PSMG2: variants seen among roughly 807,000 people sequenced by gnomAD.
The protein encoded by PSMG2 is CD40 ligand-activated specific transcript 3.
PSMG2 carries 21 observed loss-of-function variants against 31.5 expected under a neutral mutation model. The ratio of observed to expected loss-of-function variants is 0.67; its 90% CI spans 0.47 to 0.96. The LOEUF is 0.96. Among genes scored for constraint, PSMG2 ranks in the 40% least tolerant of loss-of-function variants. The pLI, the probability that PSMG2 is intolerant of heterozygous loss-of-function variation, is 0.00. For synonymous variants in PSMG2, 120 were observed against 110.4 expected (o/e 1.09, Z -0.54); for missense variants, 318 against 321.2 (o/e 0.99, Z 0.08).
At chr18:12,667,529 AG>A (rs1406060894) in intron 1 of PSMG2, among the ~76,000 whole-genome samples, 1 of 152,150 alleles carries the variant, frequency 6.6e-6, no homozygotes, top group Non-Finnish European at 1.5e-5. Context: ...TGGGAGGCCA[AG>A]GCAGGTGGAT....
chr18:12,700,527 G>A (rs1320398598), upstream of PSMG2, among the ~76,000 whole-genome samples: 1 of 152,092 alleles, frequency 6.6e-6, no homozygotes, highest in Non-Finnish European at 1.5e-5. Flanking sequence ...GGACTCTTAT[G>A]CAGTCAATTA....
chr18:12,718,990 A>G (rs1485605720), intron 4 of PSMG2, among the ~76,000 whole-genome samples: 1 of 152,256 alleles, frequency 6.6e-6, no homozygotes, highest in East Asian at 1.9e-4. Context: ...CTAACTTTTG[A>G]AAGGTTAATA....
At position 12,720,434 on chromosome 18, in the gene PSMG2, G is replaced by C. The variant is rs182286677; in HGVS notation, c.408-76G>C. ...TTGCCTGTGCAGCAGAATATATGGA[G>C]ACCAAGAGAATTTTAGCTAAAGAAC... On this transcript the variant is annotated intron_variant, in intron 4 of 6. Transcript: ENST00000317615. The C allele has an allele frequency of 1.5e-5, 19 of 1,248,654 alleles. No homozygotes were observed. In the African/African-American group the frequency reaches 2.7e-4, roughly 18 times the overall value. 77.3% of individuals were successfully genotyped at this position (1,248,654 alleles called of 1,614,324 possible).
intron 1 of PSMG2, among the ~76,000 whole-genome samples, chr18:12,705,547 G>A (rs2040256782): frequency 2.2e-5 from 1 of 45,288 alleles, no homozygotes; most frequent in African/African-American, 5.6e-5. Flanking sequence ...ATGGGAAAAA[G>A]AGAGAGAGAG....
chr18:12,692,703 T>A lies in PSMG2; in HGVS notation c.-36-13847T>A, dbSNP rs1292678964. ...ACTTATTGTTTCTCCTGCACTAGAA[T>A]CTAAACTCCTTGAGAGCAAGCTGTC... On this transcript the variant is annotated intron_variant, in intron 1 of 6. Transcript: ENST00000585331. Among the ~76,000 whole-genome samples, 3 of 152,360 alleles carry A rather than the reference T, an allele frequency of 2.0e-5. No individual in the cohort carries two copies. The South Asian group carries it at 6.2e-4, about 32-fold the overall frequency.
intron 1 of PSMG2, chr18:12,674,776 G>A (rs1386628262): frequency 3.4e-6 from 5 of 1,474,224 alleles, no homozygotes; most frequent in Admixed American, 4.0e-5. Flanking sequence ...AAGAGAAAAA[G>A]AAAAAGTGAA....
intron 1 of PSMG2, chr18:12,697,508 A>T: frequency 1.2e-6 from 1 of 813,804 alleles, no homozygotes; most frequent in East Asian, 2.9e-5. Flanking sequence ...AGCTTATATA[A>T]AACCAAAGAG....
chr18:12,702,225 C>T (rs982730387), upstream of PSMG2, among the ~76,000 whole-genome samples: 2 of 152,236 alleles, frequency 1.3e-5, no homozygotes, highest in African/African-American at 2.4e-5. Context: ...GCGCTTCATT[C>T]TCACGGCCGT....
chr18:12,680,224 A>G (rs1027410760), intron 1 of PSMG2, among the ~76,000 whole-genome samples: 3 of 152,176 alleles, frequency 2.0e-5, no homozygotes, highest in African/African-American at 7.2e-5. Flanking sequence ...ATAATCACTG[A>G]AAAGGCTCTA....
At chr18:12,677,603 G>C (rs866275659) in intron 1 of PSMG2, among the ~76,000 whole-genome samples, 3 of 150,922 alleles carry the variant, frequency 2.0e-5, no homozygotes, top group Non-Finnish European at 4.4e-5. Context: ...TATGAAAAAA[G>C]TATAACCCAG....
rs114337643 is a variant in PSMG2, at chr18:12,712,277, C to T, written c.230-425C>T. Among the ~76,000 whole-genome samples, 838 of 152,252 alleles carry T rather than the reference C, an allele frequency of 5.5e-3. 6 individuals are homozygous for T. The highest frequency in any genetic ancestry group is 0.019 in the African/African-American group (807 of 41,538). ...TTATTACATGGCTAACATTCTCCTACCTTTTACTGTTTTTTCTGTTAATCC... is the reference window on the plus strand; with the variant it reads ...TTATTACATGGCTAACATTCTCCTATCTTTTACTGTTTTTTCTGTTAATCC... On this transcript the variant is annotated intron_variant, in intron 2 of 6. Coordinates refer to ENST00000317615, the MANE Select transcript of PSMG2 (RefSeq NM_020232.5).
intron 1 of PSMG2, among the ~76,000 whole-genome samples, chr18:12,664,238 G>A (rs2038758141): frequency 6.6e-6 from 1 of 151,958 alleles, no homozygotes. Context: ...ACCACACCCC[G>A]CTAATTTTTT....
chr18:12,713,922 T>A (rs1044458157), intron 3 of PSMG2, among the ~76,000 whole-genome samples: 2 of 152,120 alleles, frequency 1.3e-5, no homozygotes, highest in African/African-American at 4.8e-5. Context: ...GGCTAATTTT[T>A]GTATTTTTAG....
rs563972073 is a variant in PSMG2, at chr18:12,711,126, G to C, written c.230-1576G>C. On this transcript the variant is annotated intron_variant, in intron 2 of 6. Transcript: ENST00000317615. ...AAAAACAAACAAAAAACAAAAATTA[G>C]CCAGGCGTGGTGGTGTGCTCCTGTA... 1.6e-3 allele frequency among the ~76,000 whole-genome samples: 247 copies of C among 152,054 alleles called. 1 individual carries two copies. The highest frequency in any genetic ancestry group is 5.7e-3 in the African/African-American group (238 of 41,476).
At chr18:12,700,553 T>C (rs2040116078), upstream of PSMG2, among the ~76,000 whole-genome samples, 1 of 152,168 alleles carries the variant, frequency 6.6e-6, no homozygotes, top group Non-Finnish European at 1.5e-5. Context: ...TTAAAGAAAT[T>C]TGTAATTTGT....
At chr18:12,699,551 T>A (rs1281154980), upstream of PSMG2, among the ~76,000 whole-genome samples, 1 of 152,200 alleles carries the variant, frequency 6.6e-6, no homozygotes, top group Non-Finnish European at 1.5e-5. Flanking sequence ...CAAGTGTATT[T>A]GTCAATTATA....
intron 1 of PSMG2, among the ~76,000 whole-genome samples, chr18:12,689,565 G>A (rs1302169319): frequency 1.3e-5 from 2 of 149,534 alleles, no homozygotes; most frequent in Non-Finnish European, 3.0e-5. Flanking sequence ...AATTCTGAGA[G>A]AGGAAGTCGT....
chr18:12,678,216 T>G, intron 1 of PSMG2: 1 of 1,614,176 alleles, frequency 6.2e-7, no homozygotes. Context: ...GGAAGGGATG[T>G]TGTAGCTCCA....
chr18:12,671,642 CTTTTTTTTTTTTTTT>C (rs869130220), intron 1 of PSMG2, among the ~76,000 whole-genome samples: 1 of 55,544 alleles, frequency 1.8e-5, no homozygotes, highest in Non-Finnish European at 3.6e-5. Context: ...TTCACACTTT[CTTTTTTTTTTTTTTT>C]TTTTTTTTTG....
Sources: allele counts gnomAD v4.1 joint callset (sites outside exome capture counted in the v4.1 genomes callset), GRCh38; gene constraint gnomAD v4.1.1; transcripts MANE v1.5; gene names NCBI Gene and HGNC (gene_info 2026-07-23, HGNC 2026-07-21).